Variants in PTPRD observed in about 807,000 individuals in gnomAD.
The protein encoded by PTPRD is protein tyrosine phosphatase receptor type D.
In PTPRD, 34 loss-of-function variants were observed where a neutral mutation model predicts 214.5. The ratio of observed to expected loss-of-function variants is 0.16; its 90% CI spans 0.12 to 0.21. The LOEUF (loss-of-function observed/expected upper bound fraction) is 0.21. PTPRD is among the 10% of genes least tolerant of loss of function. The probability of loss-of-function intolerance (pLI) is 1.00; values close to 1 mark genes in which losing one functional copy is unlikely to be tolerated. For synonymous variants in PTPRD, 1,128 were observed against 845.7 expected, an observed-to-expected ratio of 1.33 and a Z score of -5.79; for missense variants, 2,545 against 2,398.7, an observed-to-expected ratio of 1.06 and a Z score of -1.27.
chr9:9,431,604 C>G (rs1039768558), intron 8 of PTPRD, among the ~76,000 whole-genome samples: 1 of 151,972 alleles, frequency 6.6e-6, no homozygotes, highest in Non-Finnish European at 1.5e-5. Flanking sequence ...CACATGCACA[C>G]GTAAGTTTAT....
intron 30 of PTPRD, among the ~76,000 whole-genome samples, chr9:8,478,319 T>C (rs1015944267): frequency 6.6e-6 from 1 of 152,194 alleles, no homozygotes; most frequent in African/African-American, 2.4e-5. Flanking sequence ...ACAAATCTTA[T>C]GAAGCAACAC....
intron 2 of PTPRD, among the ~76,000 whole-genome samples, chr9:10,400,214 A>G (rs1390214560): frequency 6.6e-6 from 1 of 151,814 alleles, no homozygotes; most frequent in Non-Finnish European, 1.5e-5. Context: ...AAGAAGGATA[A>G]TAATAGTGCT....
rs201162141 is a variant in PTPRD, at chr9:9,132,499, CAT to C, written c.-143+50803_-143+50804del. ...TTATTAAATATTAAACTAGATGAAACATGGGTCAAATTCAAGCTTTTAGACAA... is the reference window on the plus strand; with the variant it reads ...TTATTAAATATTAAACTAGATGAAACGGGTCAAATTCAAGCTTTTAGACAA... On this transcript the variant is annotated intron_variant, in intron 10 of 45. Transcript: ENST00000381196. Among the ~76,000 whole-genome samples the C allele has an allele frequency of 7.5e-3, 1,143 of 152,200 alleles. 9 individuals are homozygous for C. Among genetic ancestry groups the C allele is most frequent in the African/African-American group, 0.025 (1,043 of 41,520 alleles).
rs774961502 is a variant in PTPRD at position 8,389,346 on chromosome 9, G to A, written c.4272C>T (p.Ala1424=). Reference sequence around the variant, plus strand: ...GGAGAGATCCCTGTGTTGCAATATAGGCATTTTGCTTCCTATACCCATCTA... The same window carrying A: ...GGAGAGATCCCTGTGTTGCAATATAAGCATTTTGCTTCCTATACCCATCTA... ...NYIDGYRKQN[A]YIATQGSLPE... Residue 1424 remains alanine, a synonymous_variant, in exon 37 of 46, where the codon GCC becomes GCT. Coordinates refer to ENST00000381196, the MANE Select transcript of PTPRD (RefSeq NM_002839.4). 6 of 1,612,914 alleles carry A rather than the reference G, an allele frequency of 3.7e-6. No homozygotes were observed. In the South Asian group the frequency reaches 6.6e-5, roughly 18 times the overall value.
At chr9:8,568,692 G>C (rs991823009) in intron 14 of PTPRD, among the ~76,000 whole-genome samples, 1 of 152,092 alleles carries the variant, frequency 6.6e-6, no homozygotes, top group African/African-American at 2.4e-5. Context: ...AAATTCTACT[G>C]ATTTTTGAAT....
In PTPRD at chr9:9,714,269, G is replaced by C. The variant is rs190506557; in HGVS notation, c.-287+20264C>G. Among the ~76,000 whole-genome samples the C allele has an allele frequency of 2.4e-3, 362 of 152,154 alleles. 1 individual carries two copies. The highest frequency in any genetic ancestry group is 8.3e-3 in the African/African-American group (344 of 41,524). On this transcript the variant is annotated intron_variant, in intron 7 of 45. Coordinates refer to ENST00000381196, the MANE Select transcript of PTPRD (RefSeq NM_002839.4). The stretch of plus-strand genomic sequence containing the variant: ...ACTGTTTTTCAGAGAAGGGTCATTA[G>C]GTTGATATATTTTTGTACAGCAACA...
At chr9:9,071,689 T>A (rs908250044) in intron 10 of PTPRD, among the ~76,000 whole-genome samples, 6 of 152,058 alleles carry the variant, frequency 3.9e-5, no homozygotes, top group Non-Finnish European at 4.4e-5. Flanking sequence ...CAATCAAACC[T>A]ACAGATGAAA....
At position 9,537,667 on chromosome 9, in the gene PTPRD, T is replaced by C. The variant is rs567008904; in HGVS notation, c.-237+37065A>G. On this transcript the variant is annotated intron_variant, in intron 8 of 45. Transcript: ENST00000381196. The stretch of plus-strand genomic sequence containing the variant: ...TGTAAAGATATGGCTAAGGGTGTTG[T>C]TTAGATATCACCTAATAGCTTTATG... Among the ~76,000 whole-genome samples the C allele has an allele frequency of 2.2e-4, 34 of 152,046 alleles. 1 individual carries two copies. The South Asian group carries it at 6.8e-3, about 31-fold the overall frequency.
intron 11 of PTPRD, among the ~76,000 whole-genome samples, chr9:8,799,846 A>C (rs570128319): frequency 1.3e-5 from 2 of 151,814 alleles, no homozygotes; most frequent in East Asian, 1.9e-4. Flanking sequence ...CAACTCCCCC[A>C]CACACTTTTT....
chr9:10,326,296 A>C (rs1486203396), intron 3 of PTPRD, among the ~76,000 whole-genome samples: 1 of 151,806 alleles, frequency 6.6e-6, no homozygotes, highest in Non-Finnish European at 1.5e-5. Context: ...TGACGTGGTC[A>C]TTTTAGTAAT....
At chr9:8,499,274 T>G (rs2097344096) in intron 25 of PTPRD, among the ~76,000 whole-genome samples, 1 of 152,162 alleles carries the variant, frequency 6.6e-6, no homozygotes, top group Admixed American at 6.5e-5. Flanking sequence ...TGCAAGTTGT[T>G]TTAGCACAGA....
intron 2 of PTPRD, among the ~76,000 whole-genome samples, chr9:10,349,044 A>T (rs2097138426): frequency 2.0e-5 from 3 of 152,096 alleles, no homozygotes; most frequent in Admixed American, 2.0e-4. Flanking sequence ...CACCTGAAAC[A>T]AATGCATATC....
intron 8 of PTPRD, among the ~76,000 whole-genome samples, chr9:9,558,568 C>T (rs1223571419): frequency 2.6e-5 from 4 of 152,280 alleles, no homozygotes; most frequent in African/African-American, 9.6e-5. Context: ...AGGTCCGATA[C>T]ATACACAAGC....
chr9:8,550,423 A>G (rs542545678), intron 14 of PTPRD, among the ~76,000 whole-genome samples: 23 of 152,328 alleles, frequency 1.5e-4, no homozygotes, highest in African/African-American at 5.5e-4. Context: ...ATTGTATGAG[A>G]TTAACAGTAA....
chr9:10,534,628 GT>G (rs2057308936), intron 2 of PTPRD, among the ~76,000 whole-genome samples: 1 of 151,978 alleles, frequency 6.6e-6, no homozygotes, highest in Non-Finnish European at 1.5e-5. Context: ...CCAAATTTTT[GT>G]TTAATTCGTC....
intron 10 of PTPRD, among the ~76,000 whole-genome samples, chr9:9,166,023 T>C (rs2099902987): frequency 6.6e-6 from 1 of 152,148 alleles, no homozygotes; most frequent in African/African-American, 2.4e-5. Flanking sequence ...CAGGTACAAT[T>C]GTCTGTCCCT....
intron 3 of PTPRD, among the ~76,000 whole-genome samples, chr9:10,075,140 G>A (rs546331969): frequency 5.3e-5 from 8 of 152,038 alleles, no homozygotes; most frequent in African/African-American, 9.6e-5. Context: ...TTCTGTCAAC[G>A]AATAAAATAC....
At chr9:9,495,600 C>T (rs1025794240) in intron 8 of PTPRD, among the ~76,000 whole-genome samples, 8 of 152,046 alleles carry the variant, frequency 5.3e-5, no homozygotes, top group Non-Finnish European at 7.4e-5. Flanking sequence ...GGGGAAGAGA[C>T]GACCTGACTT....
At chr9:8,728,984 A>G (rs566094531) in intron 12 of PTPRD, among the ~76,000 whole-genome samples, 12 of 152,270 alleles carry the variant, frequency 7.9e-5, no homozygotes, top group African/African-American at 2.9e-4. Context: ...TCTCAAAAAA[A>G]CTAAAAAATG....
Sources: gnomAD v4.1 joint callset for allele counts (sites outside exome capture counted in the v4.1 genomes callset) on GRCh38, gnomAD v4.1.1 for gene constraint, MANE v1.5 for transcripts, NCBI Gene and HGNC (gene_info 2026-07-23, HGNC 2026-07-21) for gene names.